Variants in WARS2 observed in about 807,000 individuals in gnomAD.
WARS2 encodes tryptophan--tRNA ligase, mitochondrial.
A neutral mutation model predicts 36.5 loss-of-function variants in WARS2; 28 were observed. The observed-to-expected ratio is 0.77, with a 90% CI of 0.57 to 1.05. WARS2 has a LOEUF of 1.05. WARS2 is among the 50% of genes least tolerant of loss of function. The pLI is 0.00. For synonymous variants in WARS2, 174 were observed against 178.4 expected (o/e 0.98, Z 0.20); for missense variants, 435 against 456.8 (o/e 0.95, Z 0.44).
rs587751081 is a variant in WARS2 at position 119,077,630 on chromosome 1, T to A, written c.91-1023A>T. On this transcript the variant is annotated intron_variant, in intron 1 of 5. Coordinates refer to ENST00000235521, the MANE Select transcript of WARS2 (RefSeq NM_015836.4). ...AATAAAATCATATTTGGGTTTTCAA[T>A]TCTTCAAAAGGAAATTTTAATTCTA... Among the ~76,000 whole-genome samples the A allele has an allele frequency of 3.3e-5, 5 of 152,242 alleles. No individual in the cohort carries two copies. The East Asian group carries it at 9.6e-4, about 29-fold the overall frequency.
At chr1:119,058,058 C>G (rs886723700) in intron 2 of WARS2, among the ~76,000 whole-genome samples, 12 of 152,038 alleles carry the variant, frequency 7.9e-5, no homozygotes, top group Non-Finnish European at 1.6e-4. Context: ...AAATTTTCCC[C>G]ATATTTTCTT....
intron 3 of WARS2, among the ~76,000 whole-genome samples, chr1:119,042,883 T>G (rs1648493139): frequency 1.3e-5 from 2 of 152,174 alleles, no homozygotes; most frequent in Non-Finnish European, 2.9e-5. Flanking sequence ...GAGAGAAATA[T>G]TCATCTAACC....
At chr1:119,061,369 C>G (rs533591894) in intron 2 of WARS2, among the ~76,000 whole-genome samples, 1 of 151,812 alleles carries the variant, frequency 6.6e-6, no homozygotes, top group South Asian at 2.1e-4. Context: ...ATTTTTTAAA[C>G]CAATAAAAAA....
intron 2 of WARS2, among the ~76,000 whole-genome samples, chr1:119,054,433 A>G (rs1446463018): frequency 6.6e-6 from 1 of 152,162 alleles, no homozygotes; most frequent in Admixed American, 6.5e-5. Context: ...GAGTAACTAG[A>G]ACTCTTGTAT....
chr1:119,110,609 G>C (rs1654558063), intron 1 of WARS2, among the ~76,000 whole-genome samples: 1 of 151,652 alleles, frequency 6.6e-6, no homozygotes, highest in Non-Finnish European at 1.5e-5. Context: ...GTATAGTTTT[G>C]GGGGTTTTAT....
chr1:119,130,518 T>G lies in WARS2; in HGVS notation c.90+10037A>C, dbSNP rs1218382777. Among the ~76,000 whole-genome samples the G allele has an allele frequency of 5.3e-5, 8 of 152,296 alleles. No individual in the cohort carries two copies. In the East Asian group the frequency reaches 1.5e-3, roughly 29 times the overall value. ...TCTCAGAAAATTGTTGAAATAAAAT[T>G]GGTATGACCTTCCAATCATTTATAA... On this transcript the variant is annotated intron_variant, in intron 1 of 5. Transcript: ENST00000235521.
In WARS2 at chr1:119,038,845, TA is replaced by T. The variant is rs1263772825; in HGVS notation, c.515+3418del. Among the ~76,000 whole-genome samples the T allele has an allele frequency of 2.0e-5, 3 of 152,194 alleles. No individual in the cohort carries two copies. The East Asian group carries it at 5.8e-4, about 29-fold the overall frequency. ...ACAGGCACACACCACCACGCCCGGC[TA>T]ATTTTTTGTATTTTAAGTAGAGACA... On this transcript the variant is annotated intron_variant, in intron 4 of 5. Coordinates refer to ENST00000235521, the MANE Select transcript of WARS2 (RefSeq NM_015836.4).
intron 1 of WARS2, among the ~76,000 whole-genome samples, chr1:119,106,548 T>C (rs1654255047): frequency 1.3e-5 from 2 of 152,206 alleles, no homozygotes; most frequent in Non-Finnish European, 2.9e-5. Context: ...GAATGTCATA[T>C]AGTTGAAATC....
chr1:119,121,427 T>G (rs1435330706), intron 1 of WARS2, among the ~76,000 whole-genome samples: 2 of 152,134 alleles, frequency 1.3e-5, no homozygotes, highest in African/African-American at 4.8e-5. Flanking sequence ...CCCATGTTCA[T>G]GAATGGGTAG....
chr1:119,132,021 G>A (rs1390486323), intron 1 of WARS2, among the ~76,000 whole-genome samples: 1 of 152,030 alleles, frequency 6.6e-6, no homozygotes, highest in Non-Finnish European at 1.5e-5. Flanking sequence ...ATCAAGCAGG[G>A]AGGACCTACC....
chr1:119,111,224 C>T (rs1654609023), intron 1 of WARS2, among the ~76,000 whole-genome samples: 1 of 152,112 alleles, frequency 6.6e-6, no homozygotes, highest in Admixed American at 6.6e-5. Context: ...ACATAATCTA[C>T]TAGGTAAAAG....
Position 119,033,354 on chromosome 1 carries a change from T to C in WARS2, c.640A>G (p.Met214Val), listed in dbSNP as rs770661445. 6.2e-7 allele frequency: 1 copy of C among 1,614,036 alleles called. No homozygotes were observed. The highest frequency in any genetic ancestry group is 8.5e-7 in the Non-Finnish European group (1 of 1,180,016). ...TCACGTAGGGATTTTACCTTCTTCA[T>C]GGATGCTAGGTTAAAAACACCAACA... Reference protein sequence around the residue: ...FPVPESILTSMKKVKSLRDPS... With the variant: ...FPVPESILTSVKKVKSLRDPS... Residue 214 changes from methionine (M) to valine (V), a missense_variant, in exon 6 of 6, where the codon ATG (methionine) becomes GTG (valine). Coordinates refer to ENST00000235521, the MANE Select transcript of WARS2 (RefSeq NM_015836.4).
chr1:119,092,892 T>C (rs1653142742), intron 1 of WARS2, among the ~76,000 whole-genome samples: 1 of 152,224 alleles, frequency 6.6e-6, no homozygotes, highest in Non-Finnish European at 1.5e-5. Flanking sequence ...TACAATTTCA[T>C]TTCTCCATCT....
intron 1 of WARS2, among the ~76,000 whole-genome samples, chr1:119,124,509 A>G (rs973754150): frequency 6.7e-6 from 1 of 149,658 alleles, no homozygotes; most frequent in African/African-American, 2.6e-5. Flanking sequence ...AATGAAATGA[A>G]ATGAAATGAA....
At position 119,076,420 on chromosome 1, in the gene WARS2, A is replaced by T. The variant is rs1477272668; in HGVS notation, c.278T>A (p.Leu93Gln). The change falls in exon 2 of 6, where the codon CTG (leucine) becomes CAG (glutamine). Residue 93 changes from leucine to glutamine, a missense_variant. Transcript: ENST00000235521. ...QDPAVLRQSI[L>Q]DMTAVLLACG... ...GGCAAGAAGAACAGCAGTCATGTCC[A>T]GGATGCTCTGCCGAAGGACAGCTGG... The T allele has an allele frequency of 6.2e-7, 1 of 1,614,174 alleles. No homozygotes were observed. The highest frequency in any genetic ancestry group is 1.7e-5 in the Admixed American group (1 of 60,022).
At chr1:119,042,204 G>C in intron 4 of WARS2, 60 bp downstream of exon 4, 1 of 1,544,862 alleles carries the variant, frequency 6.5e-7, no homozygotes, top group Non-Finnish European at 8.9e-7. Flanking sequence ...TATTGAATAG[G>C]TTAAAACACT....
chr1:119,085,368 G>A, intron 1 of WARS2: 1 of 1,376,166 alleles, frequency 7.3e-7, no homozygotes, highest in Non-Finnish European at 1.0e-6. Flanking sequence ...CTTAGGGCCA[G>A]GGTTGTCCTC....
chr1:119,092,349 C>T (rs1030369516), intron 1 of WARS2, among the ~76,000 whole-genome samples: 94 of 152,280 alleles, frequency 6.2e-4, no homozygotes, highest in Middle Eastern at 3.4e-3. Flanking sequence ...TTTACCATAG[C>T]TGCATAATGT....
At chr1:119,085,220 G>T (rs149019739) in intron 1 of WARS2, 7 of 841,956 alleles carry the variant, frequency 8.3e-6, no homozygotes, top group African/African-American at 3.3e-5. Flanking sequence ...ACCTGTGCTC[G>T]TGCTTGGGTT....
Sources: allele counts gnomAD v4.1 joint callset (sites outside exome capture counted in the v4.1 genomes callset), GRCh38; gene constraint gnomAD v4.1.1; transcripts MANE v1.5; gene names NCBI Gene and HGNC (gene_info 2026-07-23, HGNC 2026-07-21).